EPHA7: variants seen among roughly 807,000 people sequenced by gnomAD.
The protein encoded by EPHA7 is ephrin type-A receptor 7.
EPHA7 carries 25 observed loss-of-function variants against 112.6 expected under a neutral mutation model. The observed-to-expected ratio is 0.22, with a 90% CI of 0.16 to 0.31. The LOEUF (loss-of-function observed/expected upper bound fraction) is 0.31. Among genes scored for constraint, EPHA7 ranks in the 10% least tolerant of loss-of-function variants. EPHA7 has a pLI of 1.00. For missense variants in EPHA7, 962 were observed against 1,212.6 expected (o/e 0.79, Z 3.07); for synonymous variants, 437 against 406.5 (o/e 1.07, Z -0.90).
At chr6:93,310,327 A>C (rs1773465459) in intron 5 of EPHA7, among the ~76,000 whole-genome samples, 1 of 152,202 alleles carries the variant, frequency 6.6e-6, no homozygotes, top group African/African-American at 2.4e-5. Context: ...AGATGACATC[A>C]ATGTTTTTAC....
At chr6:93,401,460 A>G (rs1400286532) in intron 3 of EPHA7, among the ~76,000 whole-genome samples, 14 of 152,102 alleles carry the variant, frequency 9.2e-5, no homozygotes, top group Non-Finnish European at 2.9e-5. Flanking sequence ...CTATCATTCG[A>G]GATTAATATT....
At chr6:93,379,819 G>C (rs1422854719) in intron 3 of EPHA7, among the ~76,000 whole-genome samples, 7 of 151,830 alleles carry the variant, frequency 4.6e-5, no homozygotes, top group Non-Finnish European at 7.4e-5. Flanking sequence ...ACATACAGCA[G>C]GCATACATCA....
chr6:93,415,902 TAAG>T (rs1356490440), intron 1 of EPHA7, among the ~76,000 whole-genome samples: 1 of 152,184 alleles, frequency 6.6e-6, no homozygotes, highest in African/African-American at 2.4e-5. Context: ...TGTGTTATGA[TAAG>T]AAAACAAAGG....
intron 3 of EPHA7, among the ~76,000 whole-genome samples, chr6:93,384,508 A>T (rs1189993553): frequency 6.6e-6 from 1 of 152,112 alleles, no homozygotes; most frequent in Non-Finnish European, 1.5e-5. Flanking sequence ...ACTTAATGCA[A>T]CTTTTCTACT....
In EPHA7 at chr6:93,325,052, G is replaced by A. The variant is rs375133766; in HGVS notation, c.1324+31665C>T. Among the ~76,000 whole-genome samples the A allele has an allele frequency of 1.3e-4, 19 of 151,430 alleles. 2 individuals carry two copies. Among genetic ancestry groups the A allele is most frequent in the Admixed American group, 4.0e-4 (6 of 15,126 alleles). On this transcript the variant is annotated intron_variant, in intron 5 of 16. Transcript: ENST00000369303. The stretch of plus-strand genomic sequence containing the variant: ...GTTATGTAGTATAAAAAATGAGAGT[G>A]TATGGGAGGAGAATGAGAGAGAGTG...
At chr6:93,259,510 T>A in intron 9 of EPHA7, 31 bp from the exon 10 acceptor site, 1 of 1,608,536 alleles carries the variant, frequency 6.2e-7, no homozygotes, top group African/African-American at 1.3e-5. Context: ...ATGACTGTGA[T>A]GAAGCAAAGC....
chr6:93,257,646 T>G, intron 11 of EPHA7, 123 bp from the exon 12 acceptor site: 1 of 638,482 alleles, frequency 1.6e-6, no homozygotes, highest in Non-Finnish European at 2.7e-6. Flanking sequence ...GTATGAGCAT[T>G]TCTTTTATTG....
intron 14 of EPHA7, among the ~76,000 whole-genome samples, chr6:93,253,610 C>G (rs1562045266): frequency 1.3e-5 from 2 of 151,946 alleles, no homozygotes; most frequent in Admixed American, 1.3e-4. Flanking sequence ...TCAATTTGTC[C>G]AAACCTACAT....
intron 6 of EPHA7, among the ~76,000 whole-genome samples, chr6:93,271,509 G>A (rs116628242): frequency 0.011 from 1,728 of 151,896 alleles, 45 homozygotes; most frequent in African/African-American, 0.04. Flanking sequence ...TGGTTTCCAC[G>A]TTTCAAACCT....
chr6:93,260,813 A>G, intron 9 of EPHA7: 2 of 859,406 alleles, frequency 2.3e-6, no homozygotes, highest in Non-Finnish European at 2.8e-6. Context: ...ACGAGAAGAA[A>G]AGAGAGAGGG....
chr6:93,309,638 T>C (rs980391144), intron 5 of EPHA7, among the ~76,000 whole-genome samples: 13 of 152,234 alleles, frequency 8.5e-5, no homozygotes, highest in Admixed American at 7.8e-4. Context: ...TGTGATCCTA[T>C]ATAATTCAAG....
chr6:93,304,588 C>A (rs1022918166), intron 5 of EPHA7, among the ~76,000 whole-genome samples: 2 of 151,984 alleles, frequency 1.3e-5, no homozygotes, highest in African/African-American at 4.8e-5. Flanking sequence ...AGAAGTCAGT[C>A]CGGGAAATTA....
intron 7 of EPHA7, among the ~76,000 whole-genome samples, chr6:93,265,898 T>G (rs1770911938): frequency 6.6e-6 from 1 of 151,660 alleles, no homozygotes; most frequent in South Asian, 2.1e-4. Flanking sequence ...TTTCTCTAGT[T>G]TGTCTGTCTC....
chr6:93,271,256 A>G (rs1175853458), intron 6 of EPHA7, among the ~76,000 whole-genome samples: 1 of 151,770 alleles, frequency 6.6e-6, no homozygotes, highest in African/African-American at 2.4e-5. Context: ...CATTAAAACA[A>G]AATCATATTT....
intron 5 of EPHA7, among the ~76,000 whole-genome samples, chr6:93,273,121 G>T (rs1203703592): frequency 6.6e-6 from 1 of 151,848 alleles, no homozygotes; most frequent in Non-Finnish European, 1.5e-5. Flanking sequence ...CTACAATCTT[G>T]CTTTCTCTTT....
intron 5 of EPHA7, among the ~76,000 whole-genome samples, chr6:93,316,176 C>T (rs1259159036): frequency 6.6e-6 from 1 of 152,132 alleles, no homozygotes; most frequent in African/African-American, 2.4e-5. Context: ...GCCTACTTTA[C>T]TCCCTCAAAC....
intron 3 of EPHA7, among the ~76,000 whole-genome samples, chr6:93,379,816 G>A (rs1777246729): frequency 6.6e-6 from 1 of 151,934 alleles, no homozygotes; most frequent in African/African-American, 2.4e-5. Context: ...TAGACATACA[G>A]CAGGCATACA....
At chr6:93,403,754 C>G (rs1270013092) in intron 3 of EPHA7, among the ~76,000 whole-genome samples, 3 of 150,868 alleles carry the variant, frequency 2.0e-5, no homozygotes, top group South Asian at 4.2e-4. Flanking sequence ...ATTTCTACAA[C>G]CGGGAGACCA....
chr6:93,332,359 A>G (rs116275891), intron 5 of EPHA7, among the ~76,000 whole-genome samples: 1 of 151,822 alleles, frequency 6.6e-6, no homozygotes, highest in African/African-American at 2.4e-5. Flanking sequence ...ACCCCAACTC[A>G]GGCAAATTAT....
Sources: gnomAD v4.1 joint callset for allele counts (sites outside exome capture counted in the v4.1 genomes callset) on GRCh38, gnomAD v4.1.1 for gene constraint, MANE v1.5 for transcripts, NCBI Gene and HGNC (gene_info 2026-07-23, HGNC 2026-07-21) for gene names.